Variants in GABRA5 observed in about 807,000 individuals in gnomAD.
The protein encoded by GABRA5 is gamma-aminobutyric acid receptor subunit alpha-5.
Under a neutral mutation model 47.3 loss-of-function variants are expected in GABRA5, and 18 were observed. That is an observed-to-expected ratio of 0.38 (90% CI 0.26 to 0.56). The LOEUF (loss-of-function observed/expected upper bound fraction) is 0.56, where lower values mean the gene tolerates loss of function less well. Ranked by LOEUF, GABRA5 falls within the 20% of genes least tolerant of loss-of-function variation. The pLI, the probability that GABRA5 is intolerant of heterozygous loss-of-function variation, is 0.71. For missense variants in GABRA5, 365 were observed against 599.3 expected (o/e 0.61, Z 4.08); for synonymous variants, 237 against 229.3 (o/e 1.03, Z -0.30).
At chr15:26,875,405 G>T (rs1046593061) in intron 3 of GABRA5, among the ~76,000 whole-genome samples, 1 of 152,256 alleles carries the variant, frequency 6.6e-6, no homozygotes, top group Admixed American at 6.5e-5. Context: ...ACAGAGCAGA[G>T]CAGGGGCAGA....
chr15:26,938,871 C>A (rs2140584866), intron 8 of GABRA5, among the ~76,000 whole-genome samples: 1 of 152,354 alleles, frequency 6.6e-6, no homozygotes, highest in South Asian at 2.1e-4. Flanking sequence ...CTCAGTGAAG[C>A]ATCCACAGTG....
chr15:26,925,066 G>C (rs1258170234), intron 7 of GABRA5, among the ~76,000 whole-genome samples: 2 of 151,992 alleles, frequency 1.3e-5, no homozygotes, highest in Non-Finnish European at 2.9e-5. Flanking sequence ...AGAGGAAAAT[G>C]CATTTTCATC....
chr15:26,882,693 GT>G (rs1892762140), intron 4 of GABRA5, among the ~76,000 whole-genome samples: 1 of 152,114 alleles, frequency 6.6e-6, no homozygotes, highest in African/African-American at 2.4e-5. Flanking sequence ...TCTCAACATC[GT>G]TTCCCGGAGA....
chr15:26,946,216 G>T (rs1024398593), intron 10 of GABRA5, among the ~76,000 whole-genome samples: 3 of 152,100 alleles, frequency 2.0e-5, no homozygotes, highest in Admixed American at 1.3e-4. Context: ...TTACTCTCTT[G>T]TGTTTTTCAA....
chr15:26,883,069 G>T lies in GABRA5; in HGVS notation c.209-97G>T. On this transcript the variant is annotated intron_variant, in intron 4 of 10. Transcript: ENST00000335625. The surrounding 1 kb of genome is among the most constrained non-coding windows in gnomAD (Gnocchi z 4.8). ...AAACGCACTGCAAAAGCCCCCGGTT[G>T]CAGAGGGTGACCCTGGTTACTGGAC... 1.0e-6 allele frequency: 1 copy of T among 963,302 alleles called. No individual in the cohort carries two copies. The highest frequency in any genetic ancestry group is 1.7e-6 in the Non-Finnish European group (1 of 587,908). 59.7% of individuals were successfully genotyped at this position (963,302 alleles called of 1,614,324 possible).
At chr15:26,929,842 G>T in intron 7 of GABRA5, among the ~76,000 whole-genome samples, 1 of 152,148 alleles carries the variant, frequency 6.6e-6, no homozygotes, top group South Asian at 2.1e-4. Context: ...CTTGGCTTCT[G>T]TTGGGGTGGC....
intron 7 of GABRA5, among the ~76,000 whole-genome samples, chr15:26,931,581 C>T (rs563065585): frequency 6.6e-6 from 1 of 152,306 alleles, no homozygotes; most frequent in Admixed American, 6.5e-5. Flanking sequence ...CAGCTAGGTG[C>T]AGTGAGGAAC....
intron 6 of GABRA5, among the ~76,000 whole-genome samples, chr15:26,888,504 G>A (rs1015785204): frequency 2.0e-5 from 3 of 152,188 alleles, no homozygotes; most frequent in African/African-American, 7.2e-5. Flanking sequence ...GGACTGGCCC[G>A]AGGTCATCTA....
intron 8 of GABRA5, among the ~76,000 whole-genome samples, chr15:26,938,692 T>C (rs1372656884): frequency 2.0e-5 from 3 of 152,202 alleles, no homozygotes; most frequent in Non-Finnish European, 4.4e-5. Flanking sequence ...ATTTCTCGGC[T>C]CTGCTCCCTC....
At chr15:26,899,477 G>C (rs1295349264) in intron 6 of GABRA5, among the ~76,000 whole-genome samples, 4 of 152,120 alleles carry the variant, frequency 2.6e-5, no homozygotes, top group Non-Finnish European at 2.9e-5. Flanking sequence ...TATAGTCAAA[G>C]TCTTGTCAAT....
chr15:26,946,055 C>G (rs1322053853), intron 10 of GABRA5, among the ~76,000 whole-genome samples: 1 of 152,210 alleles, frequency 6.6e-6, no homozygotes, highest in Non-Finnish European at 1.5e-5. Flanking sequence ...CTCCCTCAAG[C>G]TCCCGCACGG....
Position 26,943,375 on chromosome 15 carries a change from G to A in GABRA5, c.1038G>A (p.Lys346=). Residue 346 remains lysine, a synonymous_variant, in exon 10 of 11, where the codon AAG becomes AAA. Transcript: ENST00000335625. ...TTGCCACGGTCAATTACTTTACCAA[G>A]AGAGGCTGGGCCTGGGATGGCAAAA... The part of the protein sequence containing the change: ...IEFATVNYFT[K]RGWAWDGKKA... 1 of 1,600,206 alleles carries A rather than the reference G, an allele frequency of 6.2e-7. No individual in the cohort carries two copies. Among genetic ancestry groups the A allele is most frequent in the Non-Finnish European group, 8.5e-7 (1 of 1,173,360 alleles).
At chr15:26,881,910 G>C (rs1303607786) in intron 4 of GABRA5, among the ~76,000 whole-genome samples, 1 of 152,146 alleles carries the variant, frequency 6.6e-6, no homozygotes, top group Non-Finnish European at 1.5e-5. Flanking sequence ...ATGTTGGCCA[G>C]GCTGGTCTTA....
intron 6 of GABRA5, among the ~76,000 whole-genome samples, chr15:26,907,989 G>T (rs895436855): frequency 3.9e-5 from 6 of 152,156 alleles, no homozygotes; most frequent in Non-Finnish European, 8.8e-5. Context: ...GTACAGGGGA[G>T]AAAAGTCTAG....
At chr15:26,915,457 G>A (rs1317700379) in intron 7 of GABRA5, among the ~76,000 whole-genome samples, 1 of 152,106 alleles carries the variant, frequency 6.6e-6, no homozygotes, top group Non-Finnish European at 1.5e-5. Flanking sequence ...ATTCTAATAG[G>A]AATTCCTGGA....
At chr15:26,917,654 A>G (rs879322743) in intron 7 of GABRA5, among the ~76,000 whole-genome samples, 13 of 151,994 alleles carry the variant, frequency 8.6e-5, no homozygotes, top group Non-Finnish European at 1.8e-4. Flanking sequence ...TCTTCCTTAA[A>G]TGTTTGGTAG....
At chr15:26,924,558 C>T (rs1368116930) in intron 7 of GABRA5, among the ~76,000 whole-genome samples, 1 of 152,142 alleles carries the variant, frequency 6.6e-6, no homozygotes, top group Non-Finnish European at 1.5e-5. Flanking sequence ...AGGGGACGGG[C>T]CTCATTGCAG....
At chr15:26,923,432 G>A (rs1893886839) in intron 7 of GABRA5, among the ~76,000 whole-genome samples, 1 of 152,018 alleles carries the variant, frequency 6.6e-6, no homozygotes, top group Non-Finnish European at 1.5e-5. Flanking sequence ...CTTGCCTCCA[G>A]GTTTCTGATG....
At chr15:26,907,123 C>T (rs1163267598) in intron 6 of GABRA5, among the ~76,000 whole-genome samples, 1 of 152,116 alleles carries the variant, frequency 6.6e-6, no homozygotes, top group Admixed American at 6.5e-5. Context: ...ATCCATTAGC[C>T]TTAAAATAAT....
Sources: gnomAD v4.1 joint callset for allele counts (sites outside exome capture counted in the v4.1 genomes callset) on GRCh38, gnomAD v4.1.1 for gene constraint, Gnocchi (gnomAD v3.1) non-coding constraint, MANE v1.5 for transcripts, NCBI Gene and HGNC (gene_info 2026-07-23, HGNC 2026-07-21) for gene names.